The following MTMR10 variants were observed in gnomAD, a reference collection of about 807,000 sequenced individuals.
MTMR10 encodes myotubularin related protein 10.
In MTMR10, 56 loss-of-function variants were observed where a neutral mutation model predicts 88.1. That is an observed-to-expected ratio of 0.64 (90% confidence interval 0.51 to 0.79). The LOEUF is 0.79. Among genes scored for constraint, MTMR10 ranks in the 30% least tolerant of loss-of-function variants. The pLI is 0.00. For synonymous variants in MTMR10, 380 were observed against 340.9 expected, an observed-to-expected ratio of 1.11 and a Z score of -1.26; for missense variants, 883 against 924.7, an observed-to-expected ratio of 0.95 and a Z score of 0.58.
At position 30,974,920 on chromosome 15, in the gene MTMR10, A is replaced by T. The variant is rs77719498; in HGVS notation, c.331+11T>A. 0.057 allele frequency: 87,040 copies of T among 1,514,920 alleles called. 3,154 individuals are homozygous for T. The highest frequency in any genetic ancestry group is 0.16 in the Admixed American group (7,522 of 48,410). The allele number at this position is 1,514,920 out of a possible 1,614,324, so 93.8% of individuals were successfully genotyped here. A position where few individuals can be genotyped will look rare whatever the true frequency, so the allele number is the denominator to read the frequency against. On this transcript the variant is annotated intron_variant, in intron 4 of 15. Transcript: ENST00000435680. ...AATTGACTTTTAGAGTATGTACGGA[A>T]TACTACGTACCTGTGACAATTTGCT...
chr15:30,928,288 C>T, the MTMR10 span: 2 of 1,250,342 alleles, frequency 1.6e-6, no homozygotes, highest in Non-Finnish European at 2.0e-6. Context: ...TTGAGAACCA[C>T]TGCTTTGTGG....
At chr15:30,963,692 G>GACAGATAGATAA (rs545981570) in intron 6 of MTMR10, among the ~76,000 whole-genome samples, 1 of 151,530 alleles carries the variant, frequency 6.6e-6, no homozygotes, top group Non-Finnish European at 1.5e-5. Flanking sequence ...TAGATAGATA[G>GACAGATAGATAA]TAAAATGCTC....
the MTMR10 span, chr15:30,927,649 G>T: frequency 2.0e-6 from 2 of 985,618 alleles, no homozygotes; most frequent in Non-Finnish European, 2.4e-6. Context: ...TTTGCTGCCA[G>T]TACTGGCATG....
At chr15:30,925,806 G>A in the MTMR10 span, 3 of 1,614,168 alleles carry the variant, frequency 1.9e-6, no homozygotes, top group East Asian at 4.5e-5. Context: ...TCACAGGCAG[G>A]CTGTGCCCAC....
chr15:30,988,144 G>A (rs2031072629), intron 2 of MTMR10, among the ~76,000 whole-genome samples: 3 of 152,148 alleles, frequency 2.0e-5, no homozygotes, highest in Admixed American at 2.0e-4. Flanking sequence ...CCAACAAAGA[G>A]CAAATGGTAG....
chr15:30,964,123 G>T, intron 6 of MTMR10, among the ~76,000 whole-genome samples: 1 of 152,110 alleles, frequency 6.6e-6, no homozygotes, highest in East Asian at 1.9e-4. Flanking sequence ...TTAAAAGCGG[G>T]AAGTGAAATT....
chr15:30,961,887 G>A (rs907194564), intron 6 of MTMR10, among the ~76,000 whole-genome samples: 2 of 152,034 alleles, frequency 1.3e-5, no homozygotes, highest in African/African-American at 2.4e-5. Context: ...TAATTGTGGG[G>A]TAAGTCCATG....
intron 6 of MTMR10, among the ~76,000 whole-genome samples, chr15:30,962,043 C>A (rs2063408943): frequency 6.6e-6 from 1 of 152,174 alleles, no homozygotes; most frequent in Non-Finnish European, 1.5e-5. Flanking sequence ...TTAGAAAATT[C>A]TTGGTTTCCT....
At chr15:30,925,712 C>A in the MTMR10 span, 1 of 1,528,490 alleles carries the variant, frequency 6.5e-7, no homozygotes, top group Non-Finnish European at 8.9e-7. Context: ...GAGGTCAATC[C>A]TCACGATGCT....
intron 14 of MTMR10, chr15:30,943,371 C>A: frequency 1.0e-6 from 1 of 984,858 alleles, no homozygotes; most frequent in Non-Finnish European, 1.2e-6. Context: ...TAACATGATA[C>A]TAGAAAGTCT....
chr15:30,960,438 C>A (rs1343741452), intron 7 of MTMR10, among the ~76,000 whole-genome samples: 1 of 152,044 alleles, frequency 6.6e-6, no homozygotes, highest in Non-Finnish European at 1.5e-5. Context: ...TACGGGACAC[C>A]CTGGGGATAA....
intron 6 of MTMR10, among the ~76,000 whole-genome samples, chr15:30,964,023 C>T (rs913787873): frequency 6.6e-6 from 1 of 150,894 alleles, no homozygotes; most frequent in African/African-American, 2.5e-5. Flanking sequence ...AAAAAAAAAC[C>T]CAACAACGTT....
In MTMR10 at chr15:30,939,262, C is replaced by G; in HGVS notation, c.*2208G>C. ...AAAATAACAGCAAGACACTGTACAC[C>G]TTTACGTTCAATACTAGAAATTTCA... On this transcript the variant is annotated 3_prime_UTR_variant, in exon 16 of 16. Transcript: ENST00000435680. The G allele has an allele frequency of 2.0e-6, 2 of 985,448 alleles. No individual in the cohort carries two copies. Among genetic ancestry groups the G allele is most frequent in the Non-Finnish European group, 2.4e-6 (2 of 829,936 alleles). The allele number at this position is 985,448 out of a possible 1,614,324, so 61.0% of individuals were successfully genotyped here.
At chr15:30,970,211 A>G (rs2063520803) in intron 5 of MTMR10, among the ~76,000 whole-genome samples, 1 of 152,178 alleles carries the variant, frequency 6.6e-6, no homozygotes, top group South Asian at 2.1e-4. Flanking sequence ...TGTAAGCCCT[A>G]GAGATGCAGT....
At chr15:30,954,229 G>T (rs2063289922) in intron 10 of MTMR10, among the ~76,000 whole-genome samples, 1 of 152,152 alleles carries the variant, frequency 6.6e-6, no homozygotes, top group African/African-American at 2.4e-5. Flanking sequence ...TCTGCTGCAA[G>T]GCTGCCTTTG....
intron 9 of MTMR10, among the ~76,000 whole-genome samples, chr15:30,958,097 G>C (rs2063352268): frequency 6.6e-6 from 1 of 152,214 alleles, no homozygotes; most frequent in Non-Finnish European, 1.5e-5. Context: ...TGGACATAAT[G>C]AGTTTAAGGG....
In MTMR10 at chr15:30,974,360, A is replaced by C; in HGVS notation, c.428T>G (p.Ile143Ser). The C allele has an allele frequency of 6.2e-7, 1 of 1,607,210 alleles. No individual in the cohort carries two copies. The highest frequency in any genetic ancestry group is 8.5e-7 in the Non-Finnish European group (1 of 1,175,762). ...TGATTCATCAAAGCGAAATCTGACAATTCTGAAATCTTTACAATAAATAAT... is the reference window on the plus strand; with the variant it reads ...TGATTCATCAAAGCGAAATCTGACACTTCTGAAATCTTTACAATAAATAAT... ...ELIIYCKDFR[I>S]VRFRFDESGP... Residue 143 changes from isoleucine (I) to serine (S), a missense_variant, in exon 5 of 16, where the codon ATT (isoleucine) becomes AGT (serine). Around this residue, in one of 3 missense-constraint regions of MTMR10, gnomAD observed 414 missense variants for 423.2 expected, o/e 0.98. Coordinates refer to ENST00000435680, the MANE Select transcript of MTMR10 (RefSeq NM_017762.3).
Position 30,942,014 on chromosome 15 carries a change from CTGA to C in MTMR10, c.1787_1789del (p.Ile596del). 6.2e-7 allele frequency: 1 copy of C among 1,613,944 alleles called. No homozygotes were observed. Among genetic ancestry groups the C allele is most frequent in the East Asian group, 2.2e-5 (1 of 44,848 alleles). ...TCTCCTTGGAAGTAATTCTTGGTCA[CTGA>C]TGATTCCATTCTTTAAGGCAGACGG... On this transcript the variant is annotated inframe_deletion, in exon 16 of 16. Coordinates refer to ENST00000435680, the MANE Select transcript of MTMR10 (RefSeq NM_017762.3).
At chr15:30,955,654 G>GA (rs1158404999) in intron 9 of MTMR10, among the ~76,000 whole-genome samples, 1 of 152,022 alleles carries the variant, frequency 6.6e-6, no homozygotes, top group Non-Finnish European at 1.5e-5. Flanking sequence ...CAAGGGGGGG[G>GA]CGGGGCAGCA....
Sources: gnomAD v4.1 joint callset for allele counts (sites outside exome capture counted in the v4.1 genomes callset) on GRCh38, gnomAD v4.1.1 for gene constraint, gnomAD v4.1.1 regional missense constraint, MANE v1.5 for transcripts, NCBI Gene and HGNC (gene_info 2026-07-23, HGNC 2026-07-21) for gene names.